ZNF599: variants seen among roughly 807,000 people sequenced by gnomAD.
ZNF599 encodes zinc finger protein 599.
A neutral mutation model predicts 11.7 loss-of-function variants in ZNF599; 10 were observed. The ratio of observed to expected loss-of-function variants is 0.86; its 90% CI spans 0.53 to 1.45. The LOEUF is 1.45. Among genes scored for constraint, ZNF599 ranks in the 40% most tolerant of loss-of-function variants. The pLI is 0.00. For synonymous variants in ZNF599, 232 were observed against 253.2 expected, an observed-to-expected ratio of 0.92 and a Z score of 0.79; for missense variants, 688 against 713.6, an observed-to-expected ratio of 0.96 and a Z score of 0.41.
chr19:34,767,678 T>TAA (rs2069153931), intron 2 of ZNF599, among the ~76,000 whole-genome samples: 1 of 152,164 alleles, frequency 6.6e-6, no homozygotes, highest in African/African-American at 2.4e-5. Flanking sequence ...TGGTAGTTTT[T>TAA]AAAGCTCCCC....
At chr19:34,785,508 C>T in the ZNF599 span, among the ~76,000 whole-genome samples, 12 of 152,170 alleles carry the variant, frequency 7.9e-5, no homozygotes. Flanking sequence ...TCCAGGGCTG[C>T]CTTCTGCCCC....
the ZNF599 span, chr19:34,779,542 T>G: frequency 2.2e-6 from 1 of 453,192 alleles, no homozygotes; most frequent in Admixed American, 2.4e-5. Flanking sequence ...CTCTTTGGTG[T>G]TGAAAGAGAT....
chr19:34,801,038 T>C, the ZNF599 span, among the ~76,000 whole-genome samples: 1 of 152,246 alleles, frequency 6.6e-6, no homozygotes, highest in East Asian at 1.9e-4. Context: ...ACTACTTTTA[T>C]CAGTCCTTCC....
chr19:34,759,563 T>C lies in ZNF599; in HGVS notation c.1238A>G (p.His413Arg), dbSNP rs1023098684. The change falls in exon 4 of 4, where the codon CAT (histidine) becomes CGT (arginine). Residue 413 changes from histidine (H) to arginine (R), a missense_variant. His to Arg is a conservative substitution (Grantham distance 29). Coordinates refer to ENST00000329285, the MANE Select transcript of ZNF599 (RefSeq NM_001007248.3). ...AFTHRSTFIR[H>R]KRTHTGEKPF... is the part of the protein sequence containing the mutation. ...CTTCTCTCCGGTATGGGTCCTCTTA[T>C]GTCGGATGAAAGTGGAGCGATGAGT... The C allele has an allele frequency of 2.5e-6, 4 of 1,613,876 alleles. No homozygotes were observed. The highest frequency in any genetic ancestry group is 1.3e-5 in the African/African-American group (1 of 74,880).
At chr19:34,768,491 C>G (rs1314101020) in intron 2 of ZNF599, among the ~76,000 whole-genome samples, 1 of 152,236 alleles carries the variant, frequency 6.6e-6, no homozygotes, top group African/African-American at 2.4e-5. Context: ...CATATCTACT[C>G]AGACCAACTT....
the ZNF599 span, among the ~76,000 whole-genome samples, chr19:34,779,198 C>T: frequency 2.7e-5 from 4 of 150,714 alleles, no homozygotes; most frequent in African/African-American, 4.9e-5. Context: ...ACCACAGCCT[C>T]CTGAGTAGCT....
chr19:34,785,342 T>C, the ZNF599 span, among the ~76,000 whole-genome samples: 1 of 152,184 alleles, frequency 6.6e-6, no homozygotes. Flanking sequence ...TATTACTTGG[T>C]CACTCTGCTC....
chr19:34,779,233 C>T, the ZNF599 span, among the ~76,000 whole-genome samples: 7 of 147,548 alleles, frequency 4.7e-5, 1 homozygote, highest in Non-Finnish European at 1.0e-4. Context: ...GTATGTGCCA[C>T]CATGCCCAGC....
chr19:34,760,634 GAAGAA>G, intron 3 of ZNF599, 75 bp from the exon 4 acceptor site: 1 of 1,316,614 alleles, frequency 7.6e-7, no homozygotes, highest in South Asian at 1.5e-5. Context: ...CACTTTAGCA[GAAGAA>G]TGAAGGTGAA....
the ZNF599 span, among the ~76,000 whole-genome samples, chr19:34,789,997 G>A: frequency 3.3e-5 from 5 of 152,242 alleles, no homozygotes; most frequent in South Asian, 1.0e-3. Flanking sequence ...TTATATTTAA[G>A]TCTTTAGTTC....
At chr19:34,783,715 G>A in the ZNF599 span, among the ~76,000 whole-genome samples, 1 of 152,022 alleles carries the variant, frequency 6.6e-6, no homozygotes, top group Admixed American at 6.6e-5. Flanking sequence ...GGGGCCCAAC[G>A]CCATCTCCCA....
the ZNF599 span, among the ~76,000 whole-genome samples, chr19:34,803,896 C>A: frequency 6.6e-6 from 1 of 152,182 alleles, no homozygotes; most frequent in East Asian, 1.9e-4. Context: ...CTCATATCTC[C>A]AGATGTCATA....
intron 3 of ZNF599, among the ~76,000 whole-genome samples, chr19:34,762,117 C>T (rs1362451296): frequency 6.6e-6 from 1 of 152,118 alleles, no homozygotes; most frequent in African/African-American, 2.4e-5. Flanking sequence ...GAACCAAAAA[C>T]TGAGTTGAAA....
intron 1 of ZNF599, among the ~76,000 whole-genome samples, chr19:34,771,698 T>C (rs940975825): frequency 2.0e-5 from 3 of 151,710 alleles, no homozygotes; most frequent in Admixed American, 2.0e-4. Flanking sequence ...TGGGGTGGGG[T>C]TGGGTTAGAT....
At chr19:34,776,091 CTAAG>C (rs1259441730), upstream of ZNF599, among the ~76,000 whole-genome samples, 7 of 152,068 alleles carry the variant, frequency 4.6e-5, no homozygotes, top group African/African-American at 9.7e-5. Flanking sequence ...ATTTTGTATC[CTAAG>C]TAATAGAATT....
the ZNF599 span, among the ~76,000 whole-genome samples, chr19:34,791,663 G>T: frequency 6.6e-6 from 1 of 152,146 alleles, no homozygotes; most frequent in Non-Finnish European, 1.5e-5. Context: ...CCAGTAGCAG[G>T]GAAGTGTATA....
chr19:34,795,948 A>G, the ZNF599 span, among the ~76,000 whole-genome samples: 2 of 152,040 alleles, frequency 1.3e-5, no homozygotes, highest in African/African-American at 2.4e-5. Context: ...CAGCCTCCCA[A>G]GTAGCTGAGA....
At chr19:34,779,152 T>C in the ZNF599 span, among the ~76,000 whole-genome samples, 3 of 148,368 alleles carry the variant, frequency 2.0e-5, no homozygotes, top group Non-Finnish European at 4.5e-5. Flanking sequence ...AATGGCACAA[T>C]CCTATACTCA....
the ZNF599 span, among the ~76,000 whole-genome samples, chr19:34,785,662 C>G: frequency 6.6e-6 from 1 of 152,150 alleles, no homozygotes; most frequent in African/African-American, 2.4e-5. Flanking sequence ...TTCCACTTAC[C>G]TGCACTGGAT....
Sources: allele counts gnomAD v4.1 joint callset (sites outside exome capture counted in the v4.1 genomes callset), GRCh38; gene constraint gnomAD v4.1.1; transcripts MANE v1.5; gene names NCBI Gene and HGNC (gene_info 2026-07-23, HGNC 2026-07-21).